Variants in SENP2 observed in about 807,000 individuals in gnomAD.
The protein encoded by SENP2 is sentrin-specific protease 2.
A neutral mutation model predicts 86.3 loss-of-function variants in SENP2; 16 were observed. The observed-to-expected ratio is 0.19, with a 90% CI of 0.13 to 0.28. The LOEUF is 0.28. Ranked by LOEUF, SENP2 falls within the 10% of genes least tolerant of loss-of-function variation. SENP2 has a pLI of 1.00. For missense variants in SENP2, 552 were observed against 703.0 expected (o/e 0.79, Z 2.43); for synonymous variants, 222 against 238.7 (o/e 0.93, Z 0.64).
chr3:185,624,399 T>A (rs1037267431), intron 15 of SENP2, among the ~76,000 whole-genome samples: 9 of 152,154 alleles, frequency 5.9e-5, no homozygotes, highest in African/African-American at 1.9e-4. Flanking sequence ...TTCATCTTCT[T>A]GTCTAAATGT....
chr3:185,588,183 G>T (rs1444999946), intron 1 of SENP2, among the ~76,000 whole-genome samples: 2 of 144,346 alleles, frequency 1.4e-5, no homozygotes, highest in Admixed American at 1.4e-4. Context: ...TCAGCCTCCC[G>T]AGTAGCTGGG....
At chr3:185,623,637 A>G (rs1285184279) in intron 14 of SENP2, among the ~76,000 whole-genome samples, 1 of 151,984 alleles carries the variant, frequency 6.6e-6, no homozygotes, top group Non-Finnish European at 1.5e-5. Flanking sequence ...ATCCTGGCTA[A>G]CACGGTGAAA....
At chr3:185,606,069 G>C (rs1456600883) in intron 5 of SENP2, among the ~76,000 whole-genome samples, 1 of 152,134 alleles carries the variant, frequency 6.6e-6, no homozygotes, top group Non-Finnish European at 1.5e-5. Context: ...TCTAGAGTTG[G>C]GGTTGGAAAT....
In SENP2 at chr3:185,623,805, C is replaced by T. The variant is rs375199243; in HGVS notation, c.1527-193C>T. Among the ~76,000 whole-genome samples the T allele has an allele frequency of 2.9e-3, 335 of 115,928 alleles. 1 individual carries two copies. Among genetic ancestry groups the T allele is most frequent in the African/African-American group, 0.011 (316 of 28,772 alleles). The allele number at this position is 115,928 out of a possible 152,430, so 76.1% of individuals were successfully genotyped here. ...TCGCGCCACTGCACTCCAGCCTGGG[C>T]GACAGAGCGAGACTCTGTCTCAAAA... On this transcript the variant is annotated intron_variant, in intron 14 of 16. Coordinates refer to ENST00000296257, the MANE Select transcript of SENP2 (RefSeq NM_021627.3).
At chr3:185,621,267 C>G (rs1328092492) in intron 13 of SENP2, among the ~76,000 whole-genome samples, 1 of 138,728 alleles carries the variant, frequency 7.2e-6, no homozygotes, top group Non-Finnish European at 1.5e-5. Flanking sequence ...TCTGAGAGGA[C>G]CACTAATTTT....
rs968956965 is a variant in SENP2 at position 185,598,408 on chromosome 3, C to G, written c.158-4C>G. 2 of 1,613,440 alleles carry G rather than the reference C, an allele frequency of 1.2e-6. No homozygotes were observed. The highest frequency in any genetic ancestry group is 4.5e-5 in the East Asian group (2 of 44,880). ...TATATTTACAGTTTGTTGACACTTT[C>G]TAGATTGCTTTATTCACCAAGTGAA... is the stretch of plus-strand genomic sequence containing the variant. On this transcript the variant is annotated splice_polypyrimidine_tract_variant and splice_region_variant and intron_variant, in intron 2 of 16. Transcript: ENST00000296257.
At chr3:185,604,074 T>C (rs988803515) in intron 5 of SENP2, among the ~76,000 whole-genome samples, 3 of 152,160 alleles carry the variant, frequency 2.0e-5, no homozygotes, top group African/African-American at 7.2e-5. Context: ...TGAGCTGAGA[T>C]TGGGCCACTG....
At chr3:185,622,884 T>A (rs1711955423) in intron 14 of SENP2, among the ~76,000 whole-genome samples, 1 of 145,550 alleles carries the variant, frequency 6.9e-6, no homozygotes, top group Non-Finnish European at 1.5e-5. Context: ...TGGTGCAGTC[T>A]CAGCTCACTG....
At chr3:185,626,462 C>G in intron 16 of SENP2, 69 bp downstream of exon 16, 1 of 1,043,316 alleles carries the variant, frequency 9.6e-7, no homozygotes, top group Non-Finnish European at 1.5e-6. Context: ...CAGTGCCTGG[C>G]ACACATTCAG....
At chr3:185,614,483 G>T in intron 10 of SENP2, 81 bp from the exon 11 acceptor site, 1 of 1,317,160 alleles carries the variant, frequency 7.6e-7, no homozygotes, top group Admixed American at 2.3e-5. Context: ...ATTAGTGGCA[G>T]TTTTATATTT....
intron 11 of SENP2, among the ~76,000 whole-genome samples, 171 bp from the exon 12 acceptor site, chr3:185,617,309 A>G (rs940193088): frequency 3.3e-5 from 5 of 152,156 alleles, no homozygotes; most frequent in African/African-American, 9.7e-5. Context: ...CTATCACTAA[A>G]AATAAGAAAA....
At chr3:185,592,537 T>C (rs1256554267) in intron 2 of SENP2, among the ~76,000 whole-genome samples, 1 of 152,180 alleles carries the variant, frequency 6.6e-6, no homozygotes, top group Non-Finnish European at 1.5e-5. Flanking sequence ...TTAAATTCAG[T>C]GAGTACTTAT....
In SENP2 at chr3:185,598,438, A is replaced by C; in HGVS notation, c.184A>C (p.Ser62Arg). The C allele has an allele frequency of 6.2e-7, 1 of 1,614,120 alleles. No individual in the cohort carries two copies. The highest frequency in any genetic ancestry group is 2.2e-5 in the East Asian group (1 of 44,880). ...LDCFIHQVKN[S>R]LYNAASLFGF... The stretch of plus-strand genomic sequence containing the variant: ...TTGCTTTATTCACCAAGTGAAAAAC[A>C]GTCTCTACAATGCTGCCAGCTTATT... The change falls in exon 3 of 17, where the codon AGT (serine) becomes CGT (arginine). Residue 62 changes from serine (S) to arginine (R), a missense_variant. Physicochemically the swap from Ser to Arg is moderately radical, Grantham distance 110. Transcript: ENST00000296257.
Position 185,611,682 on chromosome 3 carries a change from A to G in SENP2, c.754A>G (p.Thr252Ala), listed in dbSNP as rs1722704216. 6.2e-7 allele frequency: 1 copy of G among 1,613,646 alleles called. No homozygotes were observed. The highest frequency in any genetic ancestry group is 8.5e-7 in the Non-Finnish European group (1 of 1,179,896). Residue 252 changes from threonine (T) to alanine (A), a missense_variant, in exon 8 of 17, where the codon ACC becomes GCC. Physicochemically the swap from Thr to Ala is moderately conservative, Grantham distance 58 (BLOSUM62 0). Around this residue, in one of 2 missense-constraint regions of SENP2, gnomAD observed 383 missense variants for 427.3 expected, o/e 0.90. Transcript: ENST00000296257. ...SQRSQMDTLK[T>A]KGWGEEQNHG... is the part of the protein sequence containing the mutation. Reference sequence around the variant, plus strand: ...AAGAAGTCAGATGGACACATTAAAGACCAAAGGCTGGGGGGAAGAGCAAAA... The same window carrying G: ...AAGAAGTCAGATGGACACATTAAAGGCCAAAGGCTGGGGGGAAGAGCAAAA...
intron 16 of SENP2, among the ~76,000 whole-genome samples, chr3:185,629,539 G>A (rs1394344972): frequency 6.7e-6 from 1 of 149,962 alleles, no homozygotes; most frequent in East Asian, 2.0e-4. Flanking sequence ...TCGCGCCACT[G>A]CACTCCAGCC....
At chr3:185,615,444 A>G (rs900484901) in intron 11 of SENP2, among the ~76,000 whole-genome samples, 7 of 152,172 alleles carry the variant, frequency 4.6e-5, no homozygotes, top group Non-Finnish European at 8.8e-5. Context: ...CCTGGGTTCA[A>G]GTGATTCTCC....
At chr3:185,603,848 G>A (rs1722425815) in intron 5 of SENP2, among the ~76,000 whole-genome samples, 2 of 152,212 alleles carry the variant, frequency 1.3e-5, no homozygotes. Context: ...TAGGCTGGGT[G>A]TGGTGGCTCA....
Position 185,630,559 on chromosome 3 carries a change from C to CT in SENP2, c.*716dup, listed in dbSNP as rs1712413847. 1.3e-5 allele frequency: 2 copies of CT among 152,690 alleles called. No individual in the cohort carries two copies. The highest frequency in any genetic ancestry group is 2.4e-5 in the African/African-American group (1 of 41,454). The allele number at this position is 152,690 out of a possible 1,614,324, so 9.5% of individuals were successfully genotyped here. A position where few individuals can be genotyped will look rare whatever the true frequency, so the allele number is the denominator to read the frequency against. On this transcript the variant is annotated 3_prime_UTR_variant, in exon 17 of 17. Transcript: ENST00000296257. ...ACAGTGGAACTGTGCCCAAGGGACTCTGATTATCCAAGCATCTTCCGAAGA... is the reference window on the plus strand; with the variant it reads ...ACAGTGGAACTGTGCCCAAGGGACTCTTGATTATCCAAGCATCTTCCGAAGA...
intron 7 of SENP2, 41 bp downstream of exon 7, chr3:185,609,391 T>C (rs1722613488): frequency 7.1e-7 from 1 of 1,412,156 alleles, no homozygotes; most frequent in Non-Finnish European, 1.0e-6. Context: ...TAGGCATCTT[T>C]TGTTTGTTTG....
Sources: allele counts gnomAD v4.1 joint callset (sites outside exome capture counted in the v4.1 genomes callset), GRCh38; gene constraint gnomAD v4.1.1; regional missense constraint gnomAD v4.1.1; transcripts MANE v1.5; gene names NCBI Gene and HGNC (gene_info 2026-07-23, HGNC 2026-07-21).